The following CATSPERD variants were observed in gnomAD, a reference collection of about 807,000 sequenced individuals.
The protein encoded by CATSPERD is cation channel sperm-associated auxiliary subunit delta.
In CATSPERD, 86 loss-of-function variants were observed where a neutral mutation model predicts 98.1. The observed-to-expected ratio is 0.88, with a 90% CI of 0.74 to 1.05. The LOEUF (loss-of-function observed/expected upper bound fraction) is 1.05. Ranked by LOEUF, CATSPERD falls within the 50% of genes least tolerant of loss-of-function variation. The probability of loss-of-function intolerance (pLI) is 0.00; values close to 1 mark genes in which losing one functional copy is unlikely to be tolerated. For missense variants in CATSPERD, 995 were observed against 1,005.7 expected (o/e 0.99, Z 0.14); for synonymous variants, 394 against 390.2 (o/e 1.01, Z -0.12).
intron 18 of CATSPERD, among the ~76,000 whole-genome samples, chr19:5,768,999 C>A (rs1469951721): frequency 6.6e-6 from 1 of 151,666 alleles, no homozygotes; most frequent in African/African-American, 2.4e-5. Context: ...ACTAAAAATA[C>A]GAAAATTAGC....
Position 5,778,506 on chromosome 19 carries a change from A to T in CATSPERD, c.2227A>T (p.Thr743Ser), listed in dbSNP as rs2305925. Residue 743 changes from threonine to serine, a missense_variant, in exon 22 of 22, where the codon ACC becomes TCC. Transcript: ENST00000381624. ...GGGGTCCGTTTGGCTGGCCTACAAG[A>T]CCCCCAAGCTGCTACGCACAGCACG... Reference protein sequence around the residue: ...ILGSVWLAYKTPKLLRTARGR... With the variant: ...ILGSVWLAYKSPKLLRTARGR... 289,188 of 1,613,464 alleles carry T rather than the reference A, an allele frequency of 0.18. 30,700 individuals carry two copies. The highest frequency in any genetic ancestry group is 0.5 in the East Asian group (22,269 of 44,834).
intron 16 of CATSPERD, among the ~76,000 whole-genome samples, 171 bp from the exon 17 acceptor site, chr19:5,765,932 C>T (rs866316434): frequency 1.3e-5 from 2 of 152,098 alleles, no homozygotes; most frequent in South Asian, 2.1e-4. Context: ...TTAAGCTCCG[C>T]GGGGCCAGCT....
intron 14 of CATSPERD, 54 bp from the exon 15 acceptor site, chr19:5,759,032 G>A (rs2056382707): frequency 6.5e-7 from 1 of 1,536,922 alleles, no homozygotes; most frequent in East Asian, 2.2e-5. Flanking sequence ...CTGAGTTGGG[G>A]ATGCCCATGG....
chr19:5,757,589 G>T (rs1039253883), intron 13 of CATSPERD, among the ~76,000 whole-genome samples: 1 of 145,890 alleles, frequency 6.9e-6, no homozygotes, highest in Non-Finnish European at 1.5e-5. Context: ...GAGCCACCGC[G>T]CCTGGCCAAA....
At chr19:5,751,531 C>CAAAAAAA (rs57266365) in intron 11 of CATSPERD, 116 bp from the exon 12 acceptor site, 2 of 155,712 alleles carry the variant, frequency 1.3e-5, no homozygotes, top group African/African-American at 1.2e-4. Flanking sequence ...GAGACTCCAT[C>CAAAAAAA]AAAAAAAAAA....
rs1295022052 is a variant in CATSPERD, at chr19:5,741,797, GGT to G, written c.573+2360_573+2361del. Among the ~76,000 whole-genome samples, 25 of 90,238 alleles carry G rather than the reference GGT, an allele frequency of 2.8e-4. 3 individuals are homozygous for G. The highest frequency in any genetic ancestry group is 5.4e-4 in the Non-Finnish European group (20 of 36,808). The allele number at this position is 90,238 out of a possible 152,430, so 59.2% of individuals were successfully genotyped here. A position where few individuals can be genotyped will look rare whatever the true frequency, so the allele number is the denominator to read the frequency against. On this transcript the variant is annotated intron_variant, in intron 7 of 21. Transcript: ENST00000381624. ...GGGATGCTGAAGGCGGGGGGGGGGG[GGT>G]GGTGTGGATCACTTGAGGTCAGGAG... is the stretch of plus-strand genomic sequence containing the variant.
Position 5,748,176 on chromosome 19 carries a change from C to T in CATSPERD, c.825C>T (p.Thr275=), listed in dbSNP as rs758138933. 32 of 1,613,718 alleles carry T rather than the reference C, an allele frequency of 2.0e-5. No individual in the cohort carries two copies. Among genetic ancestry groups the T allele is most frequent in the Admixed American group, 1.3e-4 (8 of 59,934 alleles). The change falls in exon 10 of 22, where the codon ACC becomes ACT. Residue 275 remains threonine, a synonymous_variant. Coordinates refer to ENST00000381624, the MANE Select transcript of CATSPERD (RefSeq NM_152784.4). ...ACCTCCTAGGTCAGCTCGTCGACAC[C>T]GTCCGGGTGAAAAAAGGAGACCAGA... ...FSHNAGQLVD[T]VRVKKGDQTL...
At position 5,748,244 on chromosome 19, in the gene CATSPERD, A is replaced by G. The variant is rs375060881; in HGVS notation, c.893A>G (p.Asn298Ser). The change falls in exon 10 of 22, where the codon AAC becomes AGC. Residue 298 changes from asparagine to serine, a missense_variant. By Grantham distance (46) the Asn-to-Ser change is conservative. This residue lies in a region of CATSPERD where 762 missense variants were observed against 773.7 expected (regional missense o/e 0.98). Transcript: ENST00000381624. ...TTTGAAGCCAAGATCACCATCCACAACATTGCTGTCAGTGCGTAGCCGACC... is the reference window on the plus strand; with the variant it reads ...TTTGAAGCCAAGATCACCATCCACAGCATTGCTGTCAGTGCGTAGCCGACC... ...SIFEAKITIH[N>S]IAVTENELAV... 6.2e-7 allele frequency: 1 copy of G among 1,613,842 alleles called. No homozygotes were observed. The highest frequency in any genetic ancestry group is 8.5e-7 in the Non-Finnish European group (1 of 1,179,814).
intron 11 of CATSPERD, among the ~76,000 whole-genome samples, chr19:5,749,492 A>T (rs1294697296): frequency 3.9e-5 from 6 of 152,178 alleles, no homozygotes; most frequent in Non-Finnish European, 8.8e-5. Context: ...TTGGTAAGGA[A>T]TAATGGTCTT....
rs1039312103 is a variant in CATSPERD, at chr19:5,733,795, G to A, written c.277-61G>A. 12 of 1,183,376 alleles carry A rather than the reference G, an allele frequency of 1.0e-5. No individual in the cohort carries two copies. In the Admixed American group the frequency reaches 1.2e-4, roughly 12 times the overall value. The allele number at this position is 1,183,376 out of a possible 1,614,324, so 73.3% of individuals were successfully genotyped here. On this transcript the variant is annotated intron_variant, in intron 4 of 21. Coordinates refer to ENST00000381624, the MANE Select transcript of CATSPERD (RefSeq NM_152784.4). ...TTTCAATGCATGTCTAGAAGTCTGCGTTTCTGAATCAATGTTTGAAAAGAT... is the reference window on the plus strand; with the variant it reads ...TTTCAATGCATGTCTAGAAGTCTGCATTTCTGAATCAATGTTTGAAAAGAT...
chr19:5,772,458 A>G, intron 19 of CATSPERD: 1 of 274,338 alleles, frequency 3.6e-6, no homozygotes, highest in Non-Finnish European at 7.1e-6. Flanking sequence ...CGATCTCCTG[A>G]CCTCGTGATC....
chr19:5,776,757 T>C (rs2144706605), intron 21 of CATSPERD, among the ~76,000 whole-genome samples: 2 of 151,862 alleles, frequency 1.3e-5, no homozygotes, highest in East Asian at 3.9e-4. Context: ...GCCTTTAATC[T>C]CAGCTACTCG....
At chr19:5,726,144 C>T (rs1229535449) in intron 2 of CATSPERD, among the ~76,000 whole-genome samples, 1 of 151,612 alleles carries the variant, frequency 6.6e-6, no homozygotes. Flanking sequence ...TCACTGCAAC[C>T]TCCTTCTCCT....
chr19:5,737,720 T>A (rs2055876851), intron 6 of CATSPERD, among the ~76,000 whole-genome samples: 1 of 150,292 alleles, frequency 6.7e-6, no homozygotes, highest in East Asian at 2.0e-4. Flanking sequence ...CATGGTGGCG[T>A]GTGCCTGTAA....
intron 3 of CATSPERD, among the ~76,000 whole-genome samples, chr19:5,728,419 G>A (rs1010927782): frequency 4.0e-5 from 6 of 151,536 alleles, no homozygotes; most frequent in Non-Finnish European, 7.4e-5. Flanking sequence ...GCTGGGGGTG[G>A]CAGTGTGCAC....
rs1363739315 is a variant in CATSPERD at position 5,759,138 on chromosome 19, C to G, written c.1421C>G (p.Thr474Ser). 1 of 1,613,958 alleles carries G rather than the reference C, an allele frequency of 6.2e-7. No individual in the cohort carries two copies. The highest frequency in any genetic ancestry group is 1.1e-5 in the South Asian group (1 of 91,076). ...QHWGRTDSNFTSSLKKATMST... is the reference protein window; with the variant it reads ...QHWGRTDSNFSSSLKKATMST... ...TGGGGCAGGACCGACTCCAACTTCACTTCCAGGTATGTTGTCTCCTGGGAG... is the reference window on the plus strand; with the variant it reads ...TGGGGCAGGACCGACTCCAACTTCAGTTCCAGGTATGTTGTCTCCTGGGAG... Residue 474 changes from threonine to serine, a missense_variant, in exon 15 of 22, where the codon ACT becomes AGT. Physicochemically the swap from Thr to Ser is moderately conservative, Grantham distance 58. This residue lies in a region of CATSPERD where 762 missense variants were observed against 773.7 expected (regional missense o/e 0.98). Coordinates refer to ENST00000381624, the MANE Select transcript of CATSPERD (RefSeq NM_152784.4).
At position 5,720,641 on chromosome 19, in the gene CATSPERD, A is replaced by AT; in HGVS notation, c.-96dup. On this transcript the variant is annotated 5_prime_UTR_variant, in exon 1 of 22. It removes an upstream start codon present in the reference 5' UTR. Coordinates refer to ENST00000381624, the MANE Select transcript of CATSPERD (RefSeq NM_152784.4). ...GGAGGCCCGCTCCCGGGACTCATTG[A>AT]TGCGCATGCGCAGGGCTTCAGCCTG... The AT allele has an allele frequency of 8.2e-7, 1 of 1,223,814 alleles. No individual in the cohort carries two copies. Among genetic ancestry groups the AT allele is most frequent in the Non-Finnish European group, 1.2e-6 (1 of 860,690 alleles). The allele number at this position is 1,223,814 out of a possible 1,614,324, so 75.8% of individuals were successfully genotyped here.
At chr19:5,729,545 C>A (rs573689321) in intron 3 of CATSPERD, among the ~76,000 whole-genome samples, 1 of 152,234 alleles carries the variant, frequency 6.6e-6, no homozygotes, top group South Asian at 2.1e-4. Context: ...TTGTTTATTT[C>A]TTATATACAC....
At chr19:5,755,671 G>C (rs2056311059) in intron 13 of CATSPERD, among the ~76,000 whole-genome samples, 1 of 152,120 alleles carries the variant, frequency 6.6e-6, no homozygotes, top group African/African-American at 2.4e-5. Context: ...TACTGGAGAG[G>C]CTGAGGCAGG....
Sources: allele counts gnomAD v4.1 joint callset (sites outside exome capture counted in the v4.1 genomes callset), GRCh38; gene constraint gnomAD v4.1.1; regional missense constraint gnomAD v4.1.1; transcripts MANE v1.5; gene names NCBI Gene and HGNC (gene_info 2026-07-23, HGNC 2026-07-21).